The following MAP3K5 variants were observed in gnomAD, a reference collection of about 807,000 sequenced individuals.
MAP3K5 encodes the protein ASK-1.
Under a neutral mutation model 158.7 loss-of-function variants are expected in MAP3K5, and 56 were observed. The observed-to-expected ratio is 0.35, with a 90% CI of 0.28 to 0.44. MAP3K5 has a LOEUF of 0.44. Among genes scored for constraint, MAP3K5 ranks in the 20% least tolerant of loss-of-function variants. The probability of loss-of-function intolerance (pLI) is 1.00; values close to 1 mark genes in which losing one functional copy is unlikely to be tolerated. For synonymous variants in MAP3K5, 579 were observed against 601.7 expected, an observed-to-expected ratio of 0.96 and a Z score of 0.55; for missense variants, 1,294 against 1,674.8, an observed-to-expected ratio of 0.77 and a Z score of 3.97.
intron 1 of MAP3K5, among the ~76,000 whole-genome samples, chr6:136,757,394 A>C (rs1177631599): frequency 3.9e-5 from 6 of 152,080 alleles, no homozygotes; most frequent in African/African-American, 7.2e-5. Context: ...AGCTCAAGGG[A>C]GATGTTTCTG....
chr6:136,614,080 G>T lies in MAP3K5; in HGVS notation c.2278+79C>A. 3.4e-6 allele frequency: 5 copies of T among 1,491,752 alleles called. No individual in the cohort carries two copies. In the Admixed American group the frequency reaches 6.0e-5, roughly 18 times the overall value. The allele number at this position is 1,491,752 out of a possible 1,614,324, so 92.4% of individuals were successfully genotyped here. On this transcript the variant is annotated intron_variant, in intron 16 of 29. Transcript: ENST00000359015. ...AGTTTAGACAGATTAAGACCTGTAC[G>T]CTAGTAAATCCCATTCAATTTTACT...
chr6:136,614,362 A>G, intron 15 of MAP3K5, 76 bp from the exon 16 acceptor site: 1 of 1,518,672 alleles, frequency 6.6e-7, no homozygotes, highest in Non-Finnish European at 8.9e-7. Flanking sequence ...ATACAAATGG[A>G]AAATGTCAGC....
chr6:136,757,118 G>A (rs1220437562), intron 1 of MAP3K5, among the ~76,000 whole-genome samples: 1 of 152,212 alleles, frequency 6.6e-6, no homozygotes, highest in Non-Finnish European at 1.5e-5. Flanking sequence ...ATCTAGCCCA[G>A]GGAAGGTGTC....
At chr6:136,661,144 TGA>T (rs1373603528) in intron 8 of MAP3K5, among the ~76,000 whole-genome samples, 2 of 152,200 alleles carry the variant, frequency 1.3e-5, no homozygotes, top group Non-Finnish European at 2.9e-5. Flanking sequence ...TTATATTTGA[TGA>T]GAGTCATGAT....
At chr6:136,726,137 T>G (rs887012549) in intron 1 of MAP3K5, among the ~76,000 whole-genome samples, 1 of 152,250 alleles carries the variant, frequency 6.6e-6, no homozygotes, top group Non-Finnish European at 1.5e-5. Flanking sequence ...AAATTTGTTT[T>G]GGCTGTTTTA....
intron 1 of MAP3K5, among the ~76,000 whole-genome samples, chr6:136,755,953 T>C (rs181250363): frequency 1.7e-3 from 253 of 151,894 alleles, no homozygotes; most frequent in Non-Finnish European, 2.3e-3. Context: ...AATTATGACA[T>C]TAAAATTGGA....
intron 1 of MAP3K5, among the ~76,000 whole-genome samples, chr6:136,724,357 T>G (rs1477223143): frequency 1.3e-5 from 2 of 151,510 alleles, no homozygotes; most frequent in Non-Finnish European, 2.9e-5. Context: ...CAAGTGTTTC[T>G]CCTACCTCAG....
chr6:136,585,468 CT>C (rs57093626), intron 23 of MAP3K5, among the ~76,000 whole-genome samples: 3 of 107,802 alleles, frequency 2.8e-5, no homozygotes, highest in South Asian at 2.8e-4. Flanking sequence ...CCTTTCTTTT[CT>C]TTTCTTTATT....
At chr6:136,604,316 T>C (rs1037887439) in intron 19 of MAP3K5, among the ~76,000 whole-genome samples, 3 of 147,184 alleles carry the variant, frequency 2.0e-5, no homozygotes, top group Non-Finnish European at 4.5e-5. Flanking sequence ...ATCGAGACTC[T>C]GTCTCCACAA....
At chr6:136,751,552 T>TTCC (rs1311918611) in intron 1 of MAP3K5, among the ~76,000 whole-genome samples, 1 of 152,234 alleles carries the variant, frequency 6.6e-6, no homozygotes, top group African/African-American at 2.4e-5. Flanking sequence ...CAGTTGCAGC[T>TTCC]TGCAGGTGCT....
chr6:136,618,610 T>C (rs778880874), intron 15 of MAP3K5, among the ~76,000 whole-genome samples: 1 of 152,242 alleles, frequency 6.6e-6, no homozygotes, highest in African/African-American at 2.4e-5. Context: ...AGCAATTTGA[T>C]AGTGATGACC....
At chr6:136,713,207 A>T (rs1168211928) in intron 2 of MAP3K5, among the ~76,000 whole-genome samples, 2 of 152,130 alleles carry the variant, frequency 1.3e-5, no homozygotes, top group Non-Finnish European at 2.9e-5. Flanking sequence ...AGTCCTTCTT[A>T]CTCTTTAAGG....
At chr6:136,594,434 C>T (rs1292902047) in intron 21 of MAP3K5, among the ~76,000 whole-genome samples, 1 of 152,076 alleles carries the variant, frequency 6.6e-6, no homozygotes, top group Non-Finnish European at 1.5e-5. Flanking sequence ...TTGGGGGGAA[C>T]GGACTTTAGA....
In MAP3K5 at chr6:136,587,882, T is replaced by G. The variant is rs540327929; in HGVS notation, c.3226-4142A>C. Among the ~76,000 whole-genome samples the G allele has an allele frequency of 3.6e-4, 55 of 152,270 alleles. No homozygotes were observed. In the South Asian group the frequency reaches 0.011, roughly 31 times the overall value. ...TTTAAAACCAGGAGGCACCAAACAA[T>G]TGAATATGACTAACCACTCCCACAT... On this transcript the variant is annotated intron_variant, in intron 23 of 29. Transcript: ENST00000359015.
chr6:136,606,545 C>T (rs925471211), intron 18 of MAP3K5, among the ~76,000 whole-genome samples: 1 of 152,148 alleles, frequency 6.6e-6, no homozygotes, highest in Admixed American at 6.6e-5. Context: ...AAATGAGAGG[C>T]TGGATTTGAA....
At chr6:136,702,178 T>A (rs1316693000) in intron 3 of MAP3K5, among the ~76,000 whole-genome samples, 1 of 152,006 alleles carries the variant, frequency 6.6e-6, no homozygotes, top group East Asian at 1.9e-4. Flanking sequence ...TCTAAGGCAA[T>A]CTTTTTTTTT....
In MAP3K5 at chr6:136,774,183, C is replaced by G. The variant is rs532482493; in HGVS notation, c.448+17527G>C. Reference sequence around the variant, plus strand: ...CCAACCTCCTCCACACTTCCTTCTCCTCCTGAAGAATCCTCCATGATTTGT... The same window carrying G: ...CCAACCTCCTCCACACTTCCTTCTCGTCCTGAAGAATCCTCCATGATTTGT... On this transcript the variant is annotated intron_variant, in intron 1 of 29. Coordinates refer to ENST00000359015, the MANE Select transcript of MAP3K5 (RefSeq NM_005923.4). Among the ~76,000 whole-genome samples, 6 of 152,300 alleles carry G rather than the reference C, an allele frequency of 3.9e-5. No individual in the cohort carries two copies. In the South Asian group the frequency reaches 1.2e-3, roughly 32 times the overall value.
At position 136,792,301 on chromosome 6, in the gene MAP3K5, T is replaced by G. The variant is rs1439964314; in HGVS notation, c.-144A>C. The G allele has an allele frequency of 2.9e-6, 3 of 1,041,944 alleles. No individual in the cohort carries two copies. Among genetic ancestry groups the G allele is most frequent in the East Asian group, 1.7e-4 (2 of 11,588 alleles). The allele number at this position is 1,041,944 out of a possible 1,614,324, so 64.5% of individuals were successfully genotyped here. A position where few individuals can be genotyped will look rare whatever the true frequency, so the allele number is the denominator to read the frequency against. On this transcript the variant is annotated 5_prime_UTR_variant, in exon 1 of 30. Transcript: ENST00000359015. This position sits in a 1 kb window ranked among gnomAD's most constrained non-coding sequence, Gnocchi z 5.7. ...CCCTCGCCGCCGCGCCGCCGCCTCC[T>G]CTCCGGCGCCCTCTCCCCCGAGGGC...
intron 1 of MAP3K5, among the ~76,000 whole-genome samples, chr6:136,774,373 G>A (rs898312038): frequency 1.1e-4 from 16 of 152,196 alleles, no homozygotes; most frequent in South Asian, 2.1e-4. Flanking sequence ...AGGATCGCCT[G>A]AGCCCAAGGA....
Sources: gnomAD v4.1 joint callset for allele counts (sites outside exome capture counted in the v4.1 genomes callset) on GRCh38, gnomAD v4.1.1 for gene constraint, Gnocchi (gnomAD v3.1) non-coding constraint, MANE v1.5 for transcripts, NCBI Gene and HGNC (gene_info 2026-07-23, HGNC 2026-07-21) for gene names.